The following OSBP variants were observed in gnomAD, a reference collection of about 807,000 sequenced individuals.
The protein encoded by OSBP is oxysterol-binding protein 1.
OSBP carries 32 observed loss-of-function variants against 96.6 expected under a neutral mutation model. The ratio of observed to expected loss-of-function variants is 0.33; its 90% confidence interval spans 0.25 to 0.45. The LOEUF is 0.45. Ranked by LOEUF, OSBP falls within the 20% of genes least tolerant of loss-of-function variation. OSBP has a pLI of 1.00. For synonymous variants in OSBP, 369 were observed against 389.6 expected (o/e 0.95, Z 0.62); for missense variants, 653 against 1,029.7 (o/e 0.63, Z 5.01).
In OSBP at chr11:59,576,902, G is replaced by C; in HGVS notation, c.2184C>G (p.Arg728=). Residue 728 remains arginine, a synonymous_variant, in exon 13 of 14, where the codon CGC becomes CGG. Transcript: ENST00000263847. The stretch of plus-strand genomic sequence containing the variant: ...GCTTCTCCGCATTTGCTTCATCCCA[G>C]CGTCCATTTTCCATCAGTCTCTGGT... ...RPDQRLMENG[R]WDEANAEKQR... 6.2e-7 allele frequency: 1 copy of C among 1,614,150 alleles called. No individual in the cohort carries two copies. Among genetic ancestry groups the C allele is most frequent in the Non-Finnish European group, 8.5e-7 (1 of 1,180,040 alleles).
intron 9 of OSBP, among the ~76,000 whole-genome samples, chr11:59,590,913 C>G (rs1396339708): frequency 6.6e-6 from 1 of 152,208 alleles, no homozygotes; most frequent in Non-Finnish European, 1.5e-5. Context: ...CTATATTCAG[C>G]TTCCTATCAC....
intron 1 of OSBP, among the ~76,000 whole-genome samples, 188 bp from the exon 2 acceptor site, chr11:59,610,777 TA>T (rs1860833794): frequency 6.6e-6 from 1 of 151,742 alleles, no homozygotes; most frequent in Non-Finnish European, 1.5e-5. Context: ...TCAGAGCCTA[TA>T]AGTGTTGTTT....
chr11:59,578,097 T>G (rs896769487), intron 12 of OSBP, 52 bp downstream of exon 12: 1 of 1,554,960 alleles, frequency 6.4e-7, no homozygotes, highest in African/African-American at 1.4e-5. Context: ...TCAATATTGC[T>G]CCACAGTCAA....
intron 3 of OSBP, among the ~76,000 whole-genome samples, chr11:59,603,969 A>C (rs1381492148): frequency 2.0e-5 from 3 of 152,010 alleles, no homozygotes; most frequent in African/African-American, 7.3e-5. Flanking sequence ...AGTCCTATTG[A>C]TTCTTCTTTA....
chr11:59,588,314 ACT>A, intron 9 of OSBP, among the ~76,000 whole-genome samples: 1 of 152,192 alleles, frequency 6.6e-6, no homozygotes, highest in East Asian at 1.9e-4. Flanking sequence ...CAGATGGATC[ACT>A]TGAGGTCAGG....
intron 9 of OSBP, among the ~76,000 whole-genome samples, chr11:59,589,156 T>G (rs1178213967): frequency 6.6e-6 from 1 of 150,678 alleles, no homozygotes; most frequent in South Asian, 2.1e-4. Flanking sequence ...TCATTCTTTT[T>G]TTTTTTTTTT....
At chr11:59,577,770 C>T (rs896160348) in intron 12 of OSBP, among the ~76,000 whole-genome samples, 2 of 152,210 alleles carry the variant, frequency 1.3e-5, no homozygotes, top group Non-Finnish European at 2.9e-5. Context: ...GGATTGCAGG[C>T]GTGAGCCACC....
At chr11:59,585,100 G>A (rs1040296649) in intron 9 of OSBP, among the ~76,000 whole-genome samples, 2 of 145,672 alleles carry the variant, frequency 1.4e-5, no homozygotes, top group African/African-American at 2.6e-5. Context: ...GCTGCCCATC[G>A]TCTGGGATGT....
rs531003700 is a variant in OSBP, at chr11:59,594,190, C to T, written c.1377G>A (p.Leu459=). The T allele has an allele frequency of 3.8e-5, 61 of 1,614,178 alleles. 1 individual carries two copies. The South Asian group carries it at 5.2e-4, about 14-fold the overall frequency. ...RLTEDLEYHE[L]LDRAAKCENS... is the part of the protein sequence containing the mutation. ...TCTCACATTTTGCAGCTCGGTCTAA[C>T]AGCTCATGGTATTCCAGATCTTCAG... The change falls in exon 8 of 14, where the codon CTG becomes CTA. Residue 459 remains leucine, a synonymous_variant. Coordinates refer to ENST00000263847, the MANE Select transcript of OSBP (RefSeq NM_002556.3).
chr11:59,599,839 G>T (rs1860698076), intron 7 of OSBP, among the ~76,000 whole-genome samples: 1 of 152,158 alleles, frequency 6.6e-6, no homozygotes, highest in African/African-American at 2.4e-5. Context: ...GGATGCGTGG[G>T]GTAGAGCCTC....
intron 9 of OSBP, among the ~76,000 whole-genome samples, chr11:59,584,443 T>C (rs967574742): frequency 6.6e-6 from 1 of 152,288 alleles, no homozygotes; most frequent in South Asian, 2.1e-4. Context: ...TTATACACCA[T>C]GACCAGGTGG....
chr11:59,611,836 C>T (rs1860852533), intron 1 of OSBP, among the ~76,000 whole-genome samples: 1 of 152,218 alleles, frequency 6.6e-6, no homozygotes, highest in South Asian at 2.1e-4. Flanking sequence ...TTGGTGACAA[C>T]AAGCTATAAG....
chr11:59,595,378 A>AGG (rs1860636210), intron 7 of OSBP, among the ~76,000 whole-genome samples: 1 of 152,110 alleles, frequency 6.6e-6, no homozygotes, highest in East Asian at 1.9e-4. Context: ...GCTTTACTTA[A>AGG]ACAAACAAAA....
rs1280536097 is a variant in OSBP, at chr11:59,576,265, T to TG, written c.*311dup. The TG allele has an allele frequency of 2.3e-5, 6 of 263,450 alleles. No homozygotes were observed. Among genetic ancestry groups the TG allele is most frequent in the African/African-American group, 1.3e-4 (6 of 44,926 alleles). 16.3% of individuals were successfully genotyped at this position (263,450 alleles called of 1,614,324 possible). A position where few individuals can be genotyped will look rare whatever the true frequency, so the allele number is the denominator to read the frequency against. ...GGAGGGTGAGTGACATTGTCTTAAA[T>TG]GGGGGCAGAGGGAGAAAGAAGAGCC... On this transcript the variant is annotated 3_prime_UTR_variant, in exon 14 of 14. Transcript: ENST00000263847.
chr11:59,590,579 T>A (rs771434766), intron 9 of OSBP, among the ~76,000 whole-genome samples: 2 of 152,202 alleles, frequency 1.3e-5, no homozygotes. Flanking sequence ...GGCTGACCCA[T>A]AATGAGCACT....
At chr11:59,581,372 C>T (rs1860418097) in intron 10 of OSBP, 79 bp downstream of exon 10, 4 of 718,420 alleles carry the variant, frequency 5.6e-6, no homozygotes, top group Admixed American at 2.3e-5. Context: ...GACCAGTTCA[C>T]ATGTCCTAAA....
At chr11:59,579,886 A>G (rs1398361156) in intron 11 of OSBP, among the ~76,000 whole-genome samples, 2 of 151,554 alleles carry the variant, frequency 1.3e-5, no homozygotes, top group African/African-American at 4.9e-5. Flanking sequence ...TAATTTTTGC[A>G]TTTTTAGTAG....
chr11:59,612,127 C>T (rs536472409), intron 1 of OSBP, among the ~76,000 whole-genome samples: 1 of 152,338 alleles, frequency 6.6e-6, no homozygotes, highest in Non-Finnish European at 1.5e-5. Context: ...GCACACACCC[C>T]ATAAGATTTG....
intron 1 of OSBP, among the ~76,000 whole-genome samples, chr11:59,613,372 C>G (rs942898328): frequency 6.6e-6 from 1 of 152,202 alleles, no homozygotes; most frequent in Non-Finnish European, 1.5e-5. Flanking sequence ...CTTAAAGAGA[C>G]AGCAACATGT....
Sources: allele counts gnomAD v4.1 joint callset (sites outside exome capture counted in the v4.1 genomes callset), GRCh38; gene constraint gnomAD v4.1.1; transcripts MANE v1.5; gene names NCBI Gene and HGNC (gene_info 2026-07-23, HGNC 2026-07-21).